ITSN2: variants seen among roughly 807,000 people sequenced by gnomAD.
ITSN2 encodes the protein intersectin 2, also known as intersectin-2.
In ITSN2, 156 loss-of-function variants were observed where a neutral mutation model predicts 243.7. That is an observed-to-expected ratio of 0.64 (90% confidence interval 0.56 to 0.73). The LOEUF is 0.73. Among genes scored for constraint, ITSN2 ranks in the 30% least tolerant of loss-of-function variants. The pLI is 0.00. For synonymous variants in ITSN2, 703 were observed against 699.9 expected (o/e 1.00, Z -0.07); for missense variants, 1,801 against 1,996.1 (o/e 0.90, Z 1.86).
In ITSN2 at chr2:24,249,658, TTAAG is replaced by T. The variant is rs1281724992; in HGVS notation, c.3121-780_3121-777del. On this transcript the variant is annotated intron_variant, in intron 25 of 39. Transcript: ENST00000355123. The surrounding 1 kb of genome is among the most constrained non-coding windows in gnomAD (Gnocchi z 4.4). Reference sequence around the variant, plus strand: ...CTATTTAATTTTCACAATAACACTATTAAGTAATTATGATTATCCCCATTTTACA... The same window carrying T: ...CTATTTAATTTTCACAATAACACTATTAATTATGATTATCCCCATTTTACA... Among the ~76,000 whole-genome samples the T allele has an allele frequency of 1.3e-5, 2 of 152,178 alleles. No individual in the cohort carries two copies. Among genetic ancestry groups the T allele is most frequent in the Non-Finnish European group, 2.9e-5 (2 of 68,032 alleles).
At chr2:24,267,474 T>C (rs778701767) in intron 20 of ITSN2, among the ~76,000 whole-genome samples, 19 of 151,674 alleles carry the variant, frequency 1.3e-4, no homozygotes, top group Admixed American at 2.0e-4. Context: ...CATACATACA[T>C]ACACACACAC....
At chr2:24,337,145 C>T (rs1167569917) in intron 1 of ITSN2, among the ~76,000 whole-genome samples, 1 of 148,676 alleles carries the variant, frequency 6.7e-6, no homozygotes, top group Admixed American at 6.7e-5. Context: ...GTGAGGAAGG[C>T]GGCTCAGGTT....
chr2:24,229,324 C>G (rs545142437), intron 29 of ITSN2, among the ~76,000 whole-genome samples: 177 of 152,254 alleles, frequency 1.2e-3, no homozygotes, highest in African/African-American at 4.1e-3. Context: ...CTGGCTCACT[C>G]ACGCCTGTAA....
intron 1 of ITSN2, among the ~76,000 whole-genome samples, chr2:24,359,565 A>G (rs1372875782): frequency 2.6e-5 from 4 of 152,206 alleles, no homozygotes; most frequent in Admixed American, 2.6e-4. Context: ...ATCTTTCTAT[A>G]GAATACAAAG....
intron 29 of ITSN2, among the ~76,000 whole-genome samples, chr2:24,223,011 G>C (rs1670632533): frequency 6.6e-6 from 1 of 152,054 alleles, no homozygotes; most frequent in South Asian, 2.1e-4. Flanking sequence ...CTTTCTTTTA[G>C]AGAGTCTCCC....
Position 24,217,900 on chromosome 2 carries a change from G to C in ITSN2, c.3806+7C>G, listed in dbSNP as rs1461821820. The C allele has an allele frequency of 1.3e-6, 2 of 1,598,304 alleles. No individual in the cohort carries two copies. The highest frequency in any genetic ancestry group is 2.7e-5 in the African/African-American group (2 of 74,708). ...AGCGGCAATGACAGGTGATGCTCAG[G>C]ACTCACTTCAGCAGCTTTGTGTTGG... On this transcript the variant is annotated splice_region_variant and intron_variant, in intron 31 of 39. Transcript: ENST00000355123.
At chr2:24,281,062 C>CA (rs1678712224) in intron 17 of ITSN2, among the ~76,000 whole-genome samples, 1 of 152,154 alleles carries the variant, frequency 6.6e-6, no homozygotes, top group Non-Finnish European at 1.5e-5. Flanking sequence ...GAGTTTTGCT[C>CA]TTGTTGCCCT....
intron 2 of ITSN2, among the ~76,000 whole-genome samples, chr2:24,321,277 A>G (rs1684548831): frequency 6.6e-6 from 1 of 152,162 alleles, no homozygotes; most frequent in African/African-American, 2.4e-5. Flanking sequence ...CTACCTTTAC[A>G]ATTTATTCCA....
Position 24,298,817 on chromosome 2 carries a change from GA to G in ITSN2, c.1345-4del, listed in dbSNP as rs747412792. 2.0e-3 allele frequency: 2,626 copies of G among 1,321,456 alleles called. No homozygotes were observed. The highest frequency in any genetic ancestry group is 4.5e-3 in the South Asian group (298 of 65,594). The allele number at this position is 1,321,456 out of a possible 1,614,324, so 81.9% of individuals were successfully genotyped here. On this transcript the variant is annotated splice_region_variant and splice_polypyrimidine_tract_variant and intron_variant, in intron 12 of 39. Coordinates refer to ENST00000355123, the MANE Select transcript of ITSN2 (RefSeq NM_006277.3). ...CGTTCAAGTTCCTGTTTTGCTGCCT[GA>G]AAAAAAAAAGGAATTATACTTAATT...
At position 24,246,202 on chromosome 2, in the gene ITSN2, C is replaced by A. The variant is rs1673347222; in HGVS notation, c.3504G>T (p.Glu1168Asp). The A allele has an allele frequency of 1.2e-6, 2 of 1,613,576 alleles. No homozygotes were observed. The highest frequency in any genetic ancestry group is 1.7e-6 in the Non-Finnish European group (2 of 1,179,678). ...NKDDPDWWQG[E>D]INGVTGLFPS... ...GAAAGAGACCAGTCACCCCGTTGAT[C>A]TCTCCTTGCCACCAATCAGGATCAT... is the stretch of plus-strand genomic sequence containing the variant. Residue 1168 changes from glutamate to aspartate, a missense_variant, in exon 29 of 40, where the codon GAG becomes GAT. Glu to Asp is a conservative substitution (Grantham distance 45, BLOSUM62 2). Coordinates refer to ENST00000355123, the MANE Select transcript of ITSN2 (RefSeq NM_006277.3).
Position 24,211,617 on chromosome 2 carries a change from A to G in ITSN2, c.4090-670T>C, listed in dbSNP as rs1669502371. 6.6e-6 allele frequency among the ~76,000 whole-genome samples: 1 copy of G among 152,014 alleles called. No homozygotes were observed. The stretch of plus-strand genomic sequence containing the variant: ...TAGTCAGATGAGTGCACAGTCCTTC[A>G]TTTACAATTCTAAAATGCAGAACAG... On this transcript the variant is annotated intron_variant, in intron 33 of 39. Transcript: ENST00000355123. This position sits in a 1 kb window ranked among gnomAD's most constrained non-coding sequence, Gnocchi z 4.1.
intron 2 of ITSN2, among the ~76,000 whole-genome samples, chr2:24,325,450 T>A (rs1167793639): frequency 6.6e-6 from 1 of 152,090 alleles, no homozygotes; most frequent in Non-Finnish European, 1.5e-5. Context: ...GGGCAATACG[T>A]GTAATTCAAA....
chr2:24,333,076 G>C (rs559999594), intron 1 of ITSN2, among the ~76,000 whole-genome samples: 1 of 152,300 alleles, frequency 6.6e-6, no homozygotes, highest in East Asian at 1.9e-4. Flanking sequence ...TTTCACAGAA[G>C]AAACTGAAGA....
chr2:24,261,227 G>A lies in ITSN2; in HGVS notation c.2561C>T (p.Ala854Val). 1 of 1,611,374 alleles carries A rather than the reference G, an allele frequency of 6.2e-7. No homozygotes were observed. Among genetic ancestry groups the A allele is most frequent in the Non-Finnish European group, 8.5e-7 (1 of 1,177,830 alleles). Reference protein sequence around the residue: ...SSEPLSSNQPASVTDYQNVSF... With the variant: ...SSEPLSSNQPVSVTDYQNVSF... ...TACATTTTGATAATCAGTCACTGAT[G>A]CTGGTTGATTTGAAGAAAGTGGTCT... The change falls in exon 22 of 40, where the codon GCA becomes GTA. Residue 854 changes from alanine (A) to valine (V), a missense_variant. By Grantham distance (64) the Ala-to-Val change is moderately conservative (BLOSUM62 0). Coordinates refer to ENST00000355123, the MANE Select transcript of ITSN2 (RefSeq NM_006277.3).
chr2:24,293,656 T>C (rs1680569923), intron 15 of ITSN2, 32 bp downstream of exon 15: 1 of 746,516 alleles, frequency 1.3e-6, no homozygotes, highest in Non-Finnish European at 2.3e-6. Flanking sequence ...CAGAAAAGGA[T>C]AAAAGTAATC....
At chr2:24,233,992 G>A (rs1015905889) in intron 29 of ITSN2, among the ~76,000 whole-genome samples, 2 of 152,054 alleles carry the variant, frequency 1.3e-5, no homozygotes, top group Non-Finnish European at 2.9e-5. Context: ...AAGTTTATAC[G>A]GAGAGGCAAA....
intron 29 of ITSN2, among the ~76,000 whole-genome samples, chr2:24,235,094 CAAT>C (rs1417019469): frequency 6.6e-6 from 1 of 152,204 alleles, no homozygotes; most frequent in Non-Finnish European, 1.5e-5. Flanking sequence ...GAAGGAATCA[CAAT>C]ATCTTTCAGT....
chr2:24,317,668 C>T (rs1034277425), intron 2 of ITSN2, among the ~76,000 whole-genome samples: 1 of 152,202 alleles, frequency 6.6e-6, no homozygotes, highest in African/African-American at 2.4e-5. Flanking sequence ...CCTCCTGGGG[C>T]TACAAATTGA....
intron 21 of ITSN2, 108 bp downstream of exon 21, chr2:24,261,453 G>A: frequency 9.8e-7 from 1 of 1,020,238 alleles, no homozygotes; most frequent in Admixed American, 2.3e-5. Flanking sequence ...GTCTTGAAGA[G>A]TACAACCCGG....
Sources: gnomAD v4.1 joint callset for allele counts (sites outside exome capture counted in the v4.1 genomes callset) on GRCh38, gnomAD v4.1.1 for gene constraint, Gnocchi (gnomAD v3.1) non-coding constraint, MANE v1.5 for transcripts, NCBI Gene and HGNC (gene_info 2026-07-23, HGNC 2026-07-21) for gene names.